PATJ: variants seen among roughly 807,000 people sequenced by gnomAD.
The protein encoded by PATJ is PATJ crumbs cell polarity complex component, also known as inaD-like protein.
PATJ carries 190 observed loss-of-function variants against 224.9 expected under a neutral mutation model. That is an observed-to-expected ratio of 0.84 (90% CI 0.75 to 0.95). PATJ has a LOEUF of 0.95. PATJ is among the 40% of genes least tolerant of loss of function. The pLI is 0.00. For missense variants in PATJ, 2,121 were observed against 2,270.3 expected, an observed-to-expected ratio of 0.93 and a Z score of 1.34; for synonymous variants, 769 against 820.3, an observed-to-expected ratio of 0.94 and a Z score of 1.07.
Position 61,998,015 on chromosome 1 carries a change from A to T in PATJ, c.3867+7651A>T, listed in dbSNP as rs183397092. On this transcript the variant is annotated intron_variant, in intron 28 of 43. Coordinates refer to ENST00000642238, the MANE Select transcript of PATJ (RefSeq NM_001350145.3). Reference sequence around the variant, plus strand: ...GTATATATAATATATTATATATATTAATTATATATAATATATTATATATTT... The same window carrying T: ...GTATATATAATATATTATATATATTTATTATATATAATATATTATATATTT... Among the ~76,000 whole-genome samples the T allele has an allele frequency of 3.2e-3, 372 of 114,584 alleles. 3 individuals are homozygous for T. Among genetic ancestry groups the T allele is most frequent in the Middle Eastern group, 7.9e-3 (2 of 254 alleles). The allele number at this position is 114,584 out of a possible 152,430, so 75.2% of individuals were successfully genotyped here.
At chr1:61,977,611 G>T (rs7529379) in intron 27 of PATJ, among the ~76,000 whole-genome samples, 27,478 of 151,842 alleles carry the variant, frequency 0.18, 2,750 homozygotes, top group Non-Finnish European at 0.22. Flanking sequence ...GGGGTTGAGT[G>T]GGGGGCTCCA....
chr1:61,838,845 T>C (rs1038149354), intron 17 of PATJ, among the ~76,000 whole-genome samples: 1 of 152,162 alleles, frequency 6.6e-6, no homozygotes, highest in Admixed American at 6.5e-5. Context: ...ATGGTCTCCG[T>C]GGAAGATTAC....
intron 27 of PATJ, among the ~76,000 whole-genome samples, chr1:61,984,740 A>G (rs1644650810): frequency 6.6e-6 from 1 of 152,052 alleles, no homozygotes; most frequent in South Asian, 2.1e-4. Context: ...ACTATTCAGT[A>G]TATTTGCAGA....
intron 31 of PATJ, among the ~76,000 whole-genome samples, chr1:62,061,464 G>A (rs917394052): frequency 4.6e-5 from 7 of 152,080 alleles, no homozygotes; most frequent in Admixed American, 3.9e-4. Flanking sequence ...TTACAGGTAT[G>A]AGCCACCGTG....
chr1:61,974,348 A>G (rs933607033), intron 27 of PATJ, among the ~76,000 whole-genome samples: 1 of 148,912 alleles, frequency 6.7e-6, no homozygotes. Flanking sequence ...TTTGTCAACT[A>G]GGTCTTCTCC....
intron 33 of PATJ, among the ~76,000 whole-genome samples, chr1:62,107,498 G>T (rs1663242851): frequency 6.6e-6 from 1 of 152,116 alleles, no homozygotes; most frequent in African/African-American, 2.4e-5. Flanking sequence ...AACAGGAGGG[G>T]GATGAGGGTG....
At chr1:61,964,396 A>C (rs931866677) in intron 27 of PATJ, among the ~76,000 whole-genome samples, 2 of 152,126 alleles carry the variant, frequency 1.3e-5, no homozygotes, top group Non-Finnish European at 2.9e-5. Context: ...AAGCAGTATA[A>C]TTTCTTATGT....
chr1:62,084,208 C>T (rs532565784), intron 32 of PATJ, among the ~76,000 whole-genome samples: 4 of 152,192 alleles, frequency 2.6e-5, no homozygotes, highest in Admixed American at 2.0e-4. Context: ...GAGCTGAGAT[C>T]GTACCATTGC....
intron 27 of PATJ, among the ~76,000 whole-genome samples, chr1:61,980,478 T>G (rs945636238): frequency 8.0e-5 from 10 of 125,754 alleles, no homozygotes; most frequent in African/African-American, 2.4e-4. Flanking sequence ...TGTGTGTGTG[T>G]GGTATGCATT....
chr1:61,935,047 T>TA (rs1024408331), intron 27 of PATJ, among the ~76,000 whole-genome samples: 4 of 152,218 alleles, frequency 2.6e-5, no homozygotes, highest in African/African-American at 9.6e-5. Context: ...TCCCAGAGGT[T>TA]AAATGCTTTT....
chr1:61,973,458 C>T (rs1683244883), intron 27 of PATJ, among the ~76,000 whole-genome samples: 1 of 152,026 alleles, frequency 6.6e-6, no homozygotes, highest in South Asian at 2.1e-4. Context: ...TGGCAAATAA[C>T]ATGTTTTAAC....
chr1:62,054,451 C>A, intron 31 of PATJ: 2 of 256,456 alleles, frequency 7.8e-6, no homozygotes, highest in Non-Finnish European at 1.7e-5. Context: ...AGTTGGTTGG[C>A]TTTGGACTGT....
In PATJ at chr1:62,153,350, GT is replaced by G. The variant is rs1668824777; in HGVS notation, c.5379-4del. ...TCTCGAATTAAACAGCATGCATTGT[GT>G]TTTCAGAACACCTCCACCTAAGATT... is the stretch of plus-strand genomic sequence containing the variant. On this transcript the variant is annotated splice_polypyrimidine_tract_variant and splice_region_variant and intron_variant, in intron 42 of 43. Transcript: ENST00000642238. The G allele has an allele frequency of 8.1e-7, 1 of 1,230,866 alleles. No homozygotes were observed. The highest frequency in any genetic ancestry group is 1.0e-6 in the Non-Finnish European group (1 of 986,972). The allele number at this position is 1,230,866 out of a possible 1,614,324, so 76.2% of individuals were successfully genotyped here.
At chr1:62,053,984 A>G (rs1654107071) in intron 31 of PATJ, among the ~76,000 whole-genome samples, 1 of 152,166 alleles carries the variant, frequency 6.6e-6, no homozygotes, top group Non-Finnish European at 1.5e-5. Flanking sequence ...GACTCATTCC[A>G]CAGTTGGAGG....
chr1:62,149,163 G>A (rs1175882788), intron 42 of PATJ, among the ~76,000 whole-genome samples: 3 of 113,724 alleles, frequency 2.6e-5, no homozygotes, highest in Non-Finnish European at 5.3e-5. Context: ...GTAATCTAGG[G>A]AGCATGTTTA....
chr1:61,834,042 G>T (rs1302095547), intron 17 of PATJ, among the ~76,000 whole-genome samples: 1 of 152,192 alleles, frequency 6.6e-6, no homozygotes, highest in Non-Finnish European at 1.5e-5. Context: ...GGATCTTGAT[G>T]AACTTGTTTA....
intron 33 of PATJ, among the ~76,000 whole-genome samples, chr1:62,107,102 T>C (rs182008837): frequency 0.029 from 4,428 of 151,882 alleles, 118 homozygotes; most frequent in South Asian, 0.14. Context: ...GTCAGGAGAT[T>C]GAGACCATCC....
At chr1:61,901,813 A>G (rs1209031958) in intron 24 of PATJ, among the ~76,000 whole-genome samples, 43 of 152,204 alleles carry the variant, frequency 2.8e-4, no homozygotes, top group Non-Finnish European at 1.8e-4. Flanking sequence ...ATTATGTGTC[A>G]GGAGGATATT....
At chr1:62,042,040 A>G (rs1163642399) in intron 30 of PATJ, among the ~76,000 whole-genome samples, 4 of 152,174 alleles carry the variant, frequency 2.6e-5, no homozygotes, top group African/African-American at 9.7e-5. Context: ...AAAGCAGGCT[A>G]GTATGTAAAA....
Sources: gnomAD v4.1 joint callset for allele counts (sites outside exome capture counted in the v4.1 genomes callset) on GRCh38, gnomAD v4.1.1 for gene constraint, MANE v1.5 for transcripts, NCBI Gene and HGNC (gene_info 2026-07-23, HGNC 2026-07-21) for gene names.